The following CDH13 variants were observed in gnomAD, a reference collection of about 807,000 sequenced individuals.
CDH13 encodes the protein cadherin-13.
Under a neutral mutation model 63.8 loss-of-function variants are expected in CDH13, and 24 were observed. The observed-to-expected ratio is 0.38, with a 90% CI of 0.27 to 0.53. CDH13 has a LOEUF of 0.53. Ranked by LOEUF, CDH13 falls within the 20% of genes least tolerant of loss-of-function variation. The pLI is 0.85. For missense variants in CDH13, 1,049 were observed against 903.1 expected (o/e 1.16, Z -2.07); for synonymous variants, 503 against 355.3 (o/e 1.42, Z -4.67).
intron 1 of CDH13, among the ~76,000 whole-genome samples, chr16:82,733,639 A>G (rs1224141739): frequency 2.0e-5 from 3 of 152,192 alleles, no homozygotes; most frequent in Non-Finnish European, 2.9e-5. Context: ...GGTTCTATAG[A>G]TGCTCAAGGT....
At chr16:82,719,970 C>G (rs932479416) in intron 1 of CDH13, among the ~76,000 whole-genome samples, 1 of 151,606 alleles carries the variant, frequency 6.6e-6, no homozygotes, top group Non-Finnish European at 1.5e-5. Flanking sequence ...TTACTGTATG[C>G]TAAATGGTAT....
chr16:83,413,540 G>A (rs1054490398), intron 6 of CDH13, among the ~76,000 whole-genome samples: 4 of 152,142 alleles, frequency 2.6e-5, no homozygotes, highest in African/African-American at 7.2e-5. Flanking sequence ...ACTAGAGATC[G>A]GGGTGTAGCA....
At chr16:83,142,941 T>C (rs924967781) in intron 4 of CDH13, among the ~76,000 whole-genome samples, 1 of 152,164 alleles carries the variant, frequency 6.6e-6, no homozygotes, top group Non-Finnish European at 1.5e-5. Context: ...CCGTATGTAC[T>C]GAAAATACAA....
At chr16:83,266,940 T>C (rs1269442967) in intron 5 of CDH13, among the ~76,000 whole-genome samples, 4 of 152,200 alleles carry the variant, frequency 2.6e-5, no homozygotes, top group Non-Finnish European at 5.9e-5. Flanking sequence ...CAGCCTATTT[T>C]CTTTTTTTCT....
intron 6 of CDH13, among the ~76,000 whole-genome samples, chr16:83,457,994 G>T (rs950852809): frequency 6.6e-6 from 1 of 152,198 alleles, no homozygotes; most frequent in Non-Finnish European, 1.5e-5. Flanking sequence ...GGGTCCCGGG[G>T]GCAGAATGGG....
intron 6 of CDH13, among the ~76,000 whole-genome samples, chr16:83,459,522 TA>T (rs924933893): frequency 3.9e-5 from 6 of 152,264 alleles, no homozygotes; most frequent in African/African-American, 1.4e-4. Flanking sequence ...AAAACTTTTT[TA>T]TTTGCATTTT....
intron 3 of CDH13, among the ~76,000 whole-genome samples, chr16:83,035,673 T>C (rs931114683): frequency 1.3e-5 from 2 of 152,160 alleles, no homozygotes; most frequent in Admixed American, 1.3e-4. Flanking sequence ...CGGGTCATTG[T>C]GCATAGTTGG....
intron 1 of CDH13, among the ~76,000 whole-genome samples, chr16:82,776,080 C>T (rs2035481971): frequency 6.6e-6 from 1 of 152,112 alleles, no homozygotes; most frequent in African/African-American, 2.4e-5. Flanking sequence ...GACAGTGGTG[C>T]ATGCCTATAA....
chr16:83,222,881 G>C (rs374049876), intron 5 of CDH13, among the ~76,000 whole-genome samples: 3 of 152,052 alleles, frequency 2.0e-5, no homozygotes, highest in East Asian at 3.9e-4. Context: ...TTCAACAGTG[G>C]CACTATTGAA....
At chr16:83,545,095 C>G (rs1018880801) in intron 7 of CDH13, among the ~76,000 whole-genome samples, 1 of 152,020 alleles carries the variant, frequency 6.6e-6, no homozygotes, top group East Asian at 1.9e-4. Context: ...ACTCACAAGC[C>G]CATTGTTAGA....
chr16:83,571,277 A>G (rs750450739), intron 7 of CDH13, among the ~76,000 whole-genome samples: 1 of 152,180 alleles, frequency 6.6e-6, no homozygotes, highest in Non-Finnish European at 1.5e-5. Context: ...AAAAGATGGA[A>G]AATTGTCACA....
At chr16:83,143,829 C>A (rs114820643) in intron 4 of CDH13, among the ~76,000 whole-genome samples, 5 of 152,018 alleles carry the variant, frequency 3.3e-5, no homozygotes, top group Admixed American at 2.0e-4. Context: ...GTTCCTCTGC[C>A]TGACTCTATT....
In CDH13 at chr16:83,239,156, A is replaced by G. The variant is rs374035746; in HGVS notation, c.636+21659A>G. On this transcript the variant is annotated intron_variant, in intron 5 of 13. Coordinates refer to ENST00000567109, the MANE Select transcript of CDH13 (RefSeq NM_001257.5). ...TGCTGTTTAACAGCCTTACCATGCC[A>G]TTCTTGAGAGAAATAAAGTGAGGTT... is the stretch of plus-strand genomic sequence containing the variant. 9.3e-4 allele frequency among the ~76,000 whole-genome samples: 141 copies of G among 152,308 alleles called. 4 individuals carry two copies. The South Asian group carries it at 0.027, about 29-fold the overall frequency.
chr16:82,710,552 A>AAAAAATATAT (rs60196638), intron 1 of CDH13, among the ~76,000 whole-genome samples: 14 of 63,774 alleles, frequency 2.2e-4, no homozygotes, highest in African/African-American at 7.0e-4. Flanking sequence ...AAAAAAAAAA[A>AAAAAATATAT]ATATATATAT....
Position 83,032,035 on chromosome 16 carries a change from C to G in CDH13, c.183C>G (p.Asn61Lys), listed in dbSNP as rs749506528. ...LNLTFSDCKG[N>K]DKLRYEVSSP... ...TGACCTTCAGTGACTGTAAGGGAAA[C>G]GACAAGCTACGCTATGAGGTCTCGA... The change falls in exon 3 of 14, where the codon AAC becomes AAG. Residue 61 changes from asparagine to lysine, a missense_variant. Coordinates refer to ENST00000567109, the MANE Select transcript of CDH13 (RefSeq NM_001257.5). 6.3e-7 allele frequency: 1 copy of G among 1,599,748 alleles called. No homozygotes were observed. The highest frequency in any genetic ancestry group is 1.3e-5 in the African/African-American group (1 of 74,712).
chr16:83,586,403 A>T (rs1394570908), intron 7 of CDH13, among the ~76,000 whole-genome samples: 1 of 152,230 alleles, frequency 6.6e-6, no homozygotes, highest in African/African-American at 2.4e-5. Flanking sequence ...TGTTATTTTT[A>T]AAAATAAAAT....
At chr16:83,030,158 G>C (rs1045956077) in intron 2 of CDH13, among the ~76,000 whole-genome samples, 14 of 152,086 alleles carry the variant, frequency 9.2e-5, no homozygotes, top group African/African-American at 3.1e-4. Context: ...ACATGAATAA[G>C]GTATTCCATG....
chr16:82,842,753 C>T (rs956929152), intron 1 of CDH13, among the ~76,000 whole-genome samples: 8 of 152,094 alleles, frequency 5.3e-5, no homozygotes, highest in Non-Finnish European at 1.0e-4. Flanking sequence ...TACAACTCAC[C>T]AGAGTGTAGA....
intron 5 of CDH13, among the ~76,000 whole-genome samples, chr16:83,219,745 A>G (rs2039640835): frequency 6.6e-6 from 1 of 152,224 alleles, no homozygotes; most frequent in South Asian, 2.1e-4. Flanking sequence ...TGAGCAATTC[A>G]TTCATTTTAC....
Sources: gnomAD v4.1 joint callset for allele counts (sites outside exome capture counted in the v4.1 genomes callset) on GRCh38, gnomAD v4.1.1 for gene constraint, MANE v1.5 for transcripts, NCBI Gene and HGNC (gene_info 2026-07-23, HGNC 2026-07-21) for gene names.